Variants in XYLT1 observed in about 807,000 individuals in gnomAD.
XYLT1 encodes beta-D-xylosyltransferase 1.
Under a neutral mutation model 91.3 loss-of-function variants are expected in XYLT1, and 36 were observed. That is an observed-to-expected ratio of 0.39 (90% CI 0.30 to 0.52). The LOEUF is 0.52. XYLT1 is among the 20% of genes least tolerant of loss of function. The probability of loss-of-function intolerance (pLI) is 0.68; values close to 1 mark genes in which losing one functional copy is unlikely to be tolerated. For synonymous variants in XYLT1, 588 were observed against 532.0 expected (o/e 1.11, Z -1.45); for missense variants, 1,242 against 1,284.5 (o/e 0.97, Z 0.51).
chr16:17,401,023 C>T (rs1440627538), intron 1 of XYLT1, among the ~76,000 whole-genome samples: 2 of 151,632 alleles, frequency 1.3e-5, no homozygotes, highest in Non-Finnish European at 2.9e-5. Context: ...CACCTGTCTA[C>T]AATCTATTCT....
intron 5 of XYLT1, among the ~76,000 whole-genome samples, chr16:17,160,727 T>A (rs11644114): frequency 6.6e-6 from 1 of 152,070 alleles, no homozygotes; most frequent in African/African-American, 2.4e-5. Flanking sequence ...CCCGCGTGGT[T>A]AAACCCCATC....
chr16:17,375,783 C>T (rs2035592809), intron 1 of XYLT1, among the ~76,000 whole-genome samples: 1 of 152,242 alleles, frequency 6.6e-6, no homozygotes, highest in Non-Finnish European at 1.5e-5. Context: ...CCTGGAACCA[C>T]ATTTCCACGC....
intron 3 of XYLT1, among the ~76,000 whole-genome samples, chr16:17,205,219 C>T (rs575512241): frequency 6.6e-6 from 1 of 152,340 alleles, no homozygotes; most frequent in Non-Finnish European, 1.5e-5. Flanking sequence ...AGTTCTGTTA[C>T]TCAAATTCCC....
At chr16:17,262,139 T>C (rs947112984) in intron 2 of XYLT1, among the ~76,000 whole-genome samples, 2 of 152,112 alleles carry the variant, frequency 1.3e-5, no homozygotes, top group African/African-American at 2.4e-5. Flanking sequence ...GTACTGACAA[T>C]TGGATGTATT....
At chr16:17,112,765 T>C (rs191308286) in intron 11 of XYLT1, among the ~76,000 whole-genome samples, 1 of 152,214 alleles carries the variant, frequency 6.6e-6, no homozygotes, top group East Asian at 1.9e-4. Flanking sequence ...AAACATGAGG[T>C]CTCTGTCTTT....
chr16:17,336,064 G>A (rs945620179), intron 2 of XYLT1, among the ~76,000 whole-genome samples: 1 of 152,212 alleles, frequency 6.6e-6, no homozygotes, highest in Non-Finnish European at 1.5e-5. Flanking sequence ...AAAGGAAGAA[G>A]AGGAAAGGTG....
chr16:17,123,484 G>A (rs2030145384), intron 10 of XYLT1, among the ~76,000 whole-genome samples: 1 of 152,144 alleles, frequency 6.6e-6, no homozygotes, highest in Admixed American at 6.5e-5. Flanking sequence ...CATGAATTTG[G>A]GGGTTCCTTT....
chr16:17,330,765 G>T, intron 2 of XYLT1, among the ~76,000 whole-genome samples: 1 of 151,670 alleles, frequency 6.6e-6, no homozygotes, highest in Admixed American at 6.6e-5. Flanking sequence ...TTGCACTCCA[G>T]CATGGGGGAC....
At chr16:17,358,116 T>A in intron 1 of XYLT1, 66 bp from the exon 2 acceptor site, 1 of 1,460,448 alleles carries the variant, frequency 6.8e-7, no homozygotes, top group Non-Finnish European at 9.3e-7. Context: ...CCCCAGCATC[T>A]TTTTCTTTCT....
At chr16:17,447,331 G>A (rs1345682726) in intron 1 of XYLT1, among the ~76,000 whole-genome samples, 2 of 152,192 alleles carry the variant, frequency 1.3e-5, no homozygotes, top group Non-Finnish European at 2.9e-5. Context: ...CAGCCCACGT[G>A]ATACATTTCA....
intron 2 of XYLT1, among the ~76,000 whole-genome samples, chr16:17,319,913 C>A (rs997649822): frequency 3.3e-5 from 5 of 152,190 alleles, no homozygotes; most frequent in African/African-American, 9.7e-5. Context: ...TTTCTCAGCT[C>A]CCCTCCCCAC....
At chr16:17,226,824 T>C (rs2033074667) in intron 3 of XYLT1, among the ~76,000 whole-genome samples, 1 of 151,996 alleles carries the variant, frequency 6.6e-6, no homozygotes, top group Non-Finnish European at 1.5e-5. Flanking sequence ...CAAATGTCCC[T>C]GGAAAAAAAA....
At position 17,102,663 on chromosome 16, in the gene XYLT1, T is replaced by G. The variant is rs1022586410; in HGVS notation, c.*6032A>C. The stretch of plus-strand genomic sequence containing the variant: ...ACTTTGATTACTGGTCAATTTCAGA[T>G]AGTTCAATATCTCTTAAAATACTCC... On this transcript the variant is annotated 3_prime_UTR_variant, in exon 12 of 12. Coordinates refer to ENST00000261381, the MANE Select transcript of XYLT1 (RefSeq NM_022166.4). 3 of 152,414 alleles carry G rather than the reference T, an allele frequency of 2.0e-5. No individual in the cohort carries two copies. Among genetic ancestry groups the G allele is most frequent in the Admixed American group, 1.3e-4 (2 of 15,286 alleles). The allele number at this position is 152,414 out of a possible 1,614,324, so 9.4% of individuals were successfully genotyped here.
At chr16:17,301,237 T>G (rs534858172) in intron 2 of XYLT1, among the ~76,000 whole-genome samples, 39 of 151,802 alleles carry the variant, frequency 2.6e-4, no homozygotes, top group Admixed American at 5.9e-4. Flanking sequence ...ATGGTGAAAC[T>G]CTGTCTCTAC....
intron 1 of XYLT1, among the ~76,000 whole-genome samples, chr16:17,404,233 A>G (rs1348893753): frequency 6.6e-6 from 1 of 152,154 alleles, no homozygotes; most frequent in African/African-American, 2.4e-5. Flanking sequence ...ATGAAACCAA[A>G]AGAGTCTCAG....
rs1966777293 is a variant in XYLT1, at chr16:17,106,520, G to A, written c.*2175C>T. ...CTGGATCTGACGACCCTCCTCCTAA[G>A]ATGGATCTCTCTCAAAGGAGCCTGT... On this transcript the variant is annotated 3_prime_UTR_variant, in exon 12 of 12. Transcript: ENST00000261381. 6.6e-6 allele frequency: 1 copy of A among 152,240 alleles called. No individual in the cohort carries two copies. Among genetic ancestry groups the A allele is most frequent in the Admixed American group, 6.5e-5 (1 of 15,278 alleles). 9.4% of individuals were successfully genotyped at this position (152,240 alleles called of 1,614,324 possible). A position where few individuals can be genotyped will look rare whatever the true frequency, so the allele number is the denominator to read the frequency against.
chr16:17,313,019 T>A (rs2034573496), intron 2 of XYLT1, among the ~76,000 whole-genome samples: 1 of 152,184 alleles, frequency 6.6e-6, no homozygotes, highest in African/African-American at 2.4e-5. Context: ...AGAGGGCATG[T>A]CCGCCCAGGG....
At chr16:17,380,300 TAAAC>T (rs1319272327) in intron 1 of XYLT1, among the ~76,000 whole-genome samples, 2 of 151,860 alleles carry the variant, frequency 1.3e-5, no homozygotes, top group Non-Finnish European at 2.9e-5. Flanking sequence ...AATAAATAAA[TAAAC>T]AAATAAATAA....
intron 1 of XYLT1, among the ~76,000 whole-genome samples, chr16:17,377,807 GA>G (rs2035622571): frequency 6.6e-6 from 1 of 152,176 alleles, no homozygotes; most frequent in East Asian, 1.9e-4. Flanking sequence ...CTAGAAAGGG[GA>G]GGGTGTACAA....
Sources: gnomAD v4.1 joint callset for allele counts (sites outside exome capture counted in the v4.1 genomes callset) on GRCh38, gnomAD v4.1.1 for gene constraint, MANE v1.5 for transcripts, NCBI Gene and HGNC (gene_info 2026-07-23, HGNC 2026-07-21) for gene names.